CEBPB: variants seen among roughly 807,000 people sequenced by gnomAD.
CEBPB encodes the protein CCAAT enhancer binding protein beta, also known as CCAAT/enhancer-binding protein beta.
For synonymous variants in CEBPB, 295 were observed against 267.1 expected, an observed-to-expected ratio of 1.10 and a Z score of -1.02; for missense variants, 498 against 533.1, an observed-to-expected ratio of 0.93 and a Z score of 0.65.
At position 50,191,522 on chromosome 20, in the gene CEBPB, GC is replaced by G; in HGVS notation, c.494del (p.Pro165ArgfsTer229). On this transcript the variant is annotated frameshift_variant, in exon 1 of 1. Transcript: ENST00000303004. LOFTEE classifies it low-confidence loss of function (END_TRUNC). ...PGCFAPLHPPPPPPPPPAELK... is the reference protein window; with the variant it reads ...PGCFAPLHPPXPPPPPPAELK... ...GCTGCTTCGCGCCCCTGCACCCACC[GC>G]CCCCGCCGCCGCCGCCGCCCGCCGA... The G allele has an allele frequency of 1.5e-6, 2 of 1,311,382 alleles. No individual in the cohort carries two copies. Among genetic ancestry groups the G allele is most frequent in the South Asian group, 2.3e-5 (1 of 43,628 alleles). The allele number at this position is 1,311,382 out of a possible 1,614,324, so 81.2% of individuals were successfully genotyped here. A position where few individuals can be genotyped will look rare whatever the true frequency, so the allele number is the denominator to read the frequency against.
chr20:50,191,903 C>T lies in CEBPB; in HGVS notation c.870C>T (p.Asp290=). The T allele has an allele frequency of 6.2e-7, 1 of 1,612,914 alleles. No individual in the cohort carries two copies. The highest frequency in any genetic ancestry group is 8.5e-7 in the Non-Finnish European group (1 of 1,179,592). The change falls in exon 1 of 1, where the codon GAC becomes GAT. Residue 290 remains aspartate, a synonymous_variant. Transcript: ENST00000303004. The part of the protein sequence containing the change: ...RNNIAVRKSR[D]KAKMRNLETQ... ...ACATCGCCGTGCGCAAGAGCCGCGA[C>T]AAGGCCAAGATGCGCAACCTGGAGA...
At position 50,190,842 on chromosome 20, in the gene CEBPB, C is replaced by A; in HGVS notation, c.-192C>A. On this transcript the variant is annotated 5_prime_UTR_variant, in exon 1 of 1. Transcript: ENST00000303004. ...CAGGAGAAACTTTAGCGAGTCAGAG[C>A]CGCGCACGGGACTGGGAAGGGGACC... The A allele has an allele frequency of 5.6e-6, 3 of 534,044 alleles. No individual in the cohort carries two copies. Among genetic ancestry groups the A allele is most frequent in the Non-Finnish European group, 8.7e-6 (3 of 342,894 alleles). The allele number at this position is 534,044 out of a possible 1,614,324, so 33.1% of individuals were successfully genotyped here. A position where few individuals can be genotyped will look rare whatever the true frequency, so the allele number is the denominator to read the frequency against.
rs1412374759 is a variant in CEBPB at position 50,192,140 on chromosome 20, T to G, written c.*69T>G. The G allele has an allele frequency of 4.7e-5, 58 of 1,240,432 alleles. No homozygotes were observed. The highest frequency in any genetic ancestry group is 5.5e-5 in the Non-Finnish European group (54 of 984,114). 76.8% of individuals were successfully genotyped at this position (1,240,432 alleles called of 1,614,324 possible). A position where few individuals can be genotyped will look rare whatever the true frequency, so the allele number is the denominator to read the frequency against. ...CCGGGGAGCGCCCGCGCCCGCGCCC[T>G]CGCCCCCGCCCCCGGCGGCGCCGGC... is the stretch of plus-strand genomic sequence containing the variant. On this transcript the variant is annotated 3_prime_UTR_variant, in exon 1 of 1. Coordinates refer to ENST00000303004, the MANE Select transcript of CEBPB (RefSeq NM_005194.4).
chr20:50,192,362 C>A lies in CEBPB; in HGVS notation c.*291C>A, dbSNP rs1374754500. ...ACTCTCTGCTTCTCCCTCTGCCCCT[C>A]TCCAGGCGCCGGCGGGCGGGCCGGT... On this transcript the variant is annotated 3_prime_UTR_variant, in exon 1 of 1. Transcript: ENST00000303004. 5.8e-6 allele frequency: 1 copy of A among 171,690 alleles called. No individual in the cohort carries two copies. The highest frequency in any genetic ancestry group is 1.4e-5 in the Non-Finnish European group (1 of 71,956). 10.6% of individuals were successfully genotyped at this position (171,690 alleles called of 1,614,324 possible).
In CEBPB at chr20:50,191,600, G is replaced by T. The variant is rs1239605942; in HGVS notation, c.567G>T (p.Glu189Asp). The change falls in exon 1 of 1, where the codon GAG becomes GAT. Residue 189 changes from glutamate (E) to aspartate (D), a missense_variant. By Grantham distance (45) the Glu-to-Asp change is conservative (BLOSUM62 2). Coordinates refer to ENST00000303004, the MANE Select transcript of CEBPB (RefSeq NM_005194.4). ...FEPADCKRKE[E>D]AGAPGGGAGM... is the part of the protein sequence containing the mutation. ...CCGCGGACTGCAAGCGGAAGGAGGA[G>T]GCCGGGGCGCCGGGCGGCGGCGCAG... is the stretch of plus-strand genomic sequence containing the variant. The T allele has an allele frequency of 2.2e-6, 3 of 1,348,022 alleles. No individual in the cohort carries two copies. The highest frequency in any genetic ancestry group is 2.8e-6 in the Non-Finnish European group (3 of 1,058,498). 83.5% of individuals were successfully genotyped at this position (1,348,022 alleles called of 1,614,324 possible). A position where few individuals can be genotyped will look rare whatever the true frequency, so the allele number is the denominator to read the frequency against.
Position 50,191,112 on chromosome 20 carries a change from G to A in CEBPB, c.79G>A (p.Ala27Thr), listed in dbSNP as rs772304270. ...PPPAFKSMEV[A>T]NFYYEADCLA... is the part of the protein sequence containing the mutation. ...GCCTGCCTTTAAATCCATGGAAGTGGCCAACTTCTACTACGAGGCGGACTG... is the reference window on the plus strand; with the variant it reads ...GCCTGCCTTTAAATCCATGGAAGTGACCAACTTCTACTACGAGGCGGACTG... The change falls in exon 1 of 1, where the codon GCC becomes ACC. Residue 27 changes from alanine to threonine, a missense_variant. By Grantham distance (58) the Ala-to-Thr change is moderately conservative (BLOSUM62 0). Transcript: ENST00000303004. The A allele has an allele frequency of 1.4e-5, 22 of 1,549,284 alleles. No homozygotes were observed. The highest frequency in any genetic ancestry group is 1.9e-4 in the Middle Eastern group (1 of 5,282).
At position 50,192,139 on chromosome 20, in the gene CEBPB, C is replaced by G; in HGVS notation, c.*68C>G. 1 of 1,246,450 alleles carries G rather than the reference C, an allele frequency of 8.0e-7. No individual in the cohort carries two copies. 77.2% of individuals were successfully genotyped at this position (1,246,450 alleles called of 1,614,324 possible). On this transcript the variant is annotated 3_prime_UTR_variant, in exon 1 of 1. Coordinates refer to ENST00000303004, the MANE Select transcript of CEBPB (RefSeq NM_005194.4). ...TCCGGGGAGCGCCCGCGCCCGCGCC[C>G]TCGCCCCCGCCCCCGGCGGCGCCGG...
chr20:50,191,763 C>T lies in CEBPB; in HGVS notation c.730C>T (p.Pro244Ser). The change falls in exon 1 of 1, where the codon CCC becomes TCC. Residue 244 changes from proline (P) to serine (S), a missense_variant. Coordinates refer to ENST00000303004, the MANE Select transcript of CEBPB (RefSeq NM_005194.4). Reference protein sequence around the residue: ...GTPSPADAKAPPTACYAGAAP... With the variant: ...GTPSPADAKASPTACYAGAAP... The stretch of plus-strand genomic sequence containing the variant: ...GCCGAGCCCCGCTGACGCCAAGGCG[C>T]CCCCGACCGCCTGCTACGCGGGGGC... 6.5e-7 allele frequency: 1 copy of T among 1,539,774 alleles called. No homozygotes were observed. Among genetic ancestry groups the T allele is most frequent in the Non-Finnish European group, 8.7e-7 (1 of 1,144,180 alleles).
In CEBPB at chr20:50,191,109, G is replaced by T. The variant is rs1422775925; in HGVS notation, c.76G>T (p.Val26Leu). 4.5e-6 allele frequency: 7 copies of T among 1,550,868 alleles called. No individual in the cohort carries two copies. Among genetic ancestry groups the T allele is most frequent in the Non-Finnish European group, 6.1e-6 (7 of 1,153,938 alleles). ...GCCGCCTGCCTTTAAATCCATGGAA[G>T]TGGCCAACTTCTACTACGAGGCGGA... ...PPPPAFKSME[V>L]ANFYYEADCL... Residue 26 changes from valine (V) to leucine (L), a missense_variant, in exon 1 of 1, where the codon GTG becomes TTG. By Grantham distance (32) the Val-to-Leu change is conservative. Transcript: ENST00000303004.
At position 50,191,350 on chromosome 20, in the gene CEBPB, C is replaced by A. The variant is rs747170675; in HGVS notation, c.317C>A (p.Pro106His). 41 of 1,454,956 alleles carry A rather than the reference C, an allele frequency of 2.8e-5. No homozygotes were observed. The Middle Eastern group carries it at 1.4e-3, about 51-fold the overall frequency. 90.1% of individuals were successfully genotyped at this position (1,454,956 alleles called of 1,614,324 possible). A position where few individuals can be genotyped will look rare whatever the true frequency, so the allele number is the denominator to read the frequency against. The change falls in exon 1 of 1, where the codon CCC (proline) becomes CAC (histidine). Residue 106 changes from proline (P) to histidine (H), a missense_variant. Pro to His is a moderately conservative substitution (Grantham distance 77). Transcript: ENST00000303004. The part of the protein sequence containing the change: ...TFEAAPPAPA[P>H]APASSGQHHD... ...GAGGCGGCTCCGCCCGCGCCCGCCC[C>A]CGCGCCCGCCTCCTCCGGGCAGCAC...
Position 50,191,314 on chromosome 20 carries a change from C to G in CEBPB, c.281C>G (p.Thr94Arg). 12 of 1,420,076 alleles carry G rather than the reference C, an allele frequency of 8.5e-6. No individual in the cohort carries two copies. Among genetic ancestry groups the G allele is most frequent in the Non-Finnish European group, 1.1e-5 (12 of 1,079,538 alleles). 88.0% of individuals were successfully genotyped at this position (1,420,076 alleles called of 1,614,324 possible). Reference protein sequence around the residue: ...APQAPAPATATDTFEAAPPAP... With the variant: ...APQAPAPATARDTFEAAPPAP... ...CAGGCCCCGGCGCCCGCCACGGCCA[C>G]GGACACCTTCGAGGCGGCTCCGCCC... The change falls in exon 1 of 1, where the codon ACG (threonine) becomes AGG (arginine). Residue 94 changes from threonine (T) to arginine (R), a missense_variant. Physicochemically the swap from Thr to Arg is moderately conservative, Grantham distance 71. Transcript: ENST00000303004.
rs566289137 is a variant in CEBPB at position 50,191,195 on chromosome 20, C to A, written c.162C>A (p.Pro54=). 35 of 1,324,784 alleles carry A rather than the reference C, an allele frequency of 2.6e-5. No homozygotes were observed. The East Asian group carries it at 6.9e-4, about 26-fold the overall frequency. The allele number at this position is 1,324,784 out of a possible 1,614,324, so 82.1% of individuals were successfully genotyped here. Residue 54 remains proline (P), a synonymous_variant, in exon 1 of 1, where the codon CCC becomes CCA. Coordinates refer to ENST00000303004, the MANE Select transcript of CEBPB (RefSeq NM_005194.4). The part of the protein sequence containing the change: ...AAPAAPPAAR[P]GPRPPAGELG... ...CCGCGGCGCCCCCCGCGGCCAGACC[C>A]GGGCCGCGCCCCCCCGCCGGCGAGC...
upstream of CEBPB, chr20:50,190,819 G>C: frequency 2.3e-6 from 1 of 432,272 alleles, no homozygotes; most frequent in Non-Finnish European, 3.9e-6. Flanking sequence ...ACCGGGCTCA[G>C]GAGAAACTTT....
chr20:50,191,010 C>G lies in CEBPB; in HGVS notation c.-24C>G, dbSNP rs1601257035. 1.3e-6 allele frequency: 2 copies of G among 1,492,312 alleles called. No individual in the cohort carries two copies. Among genetic ancestry groups the G allele is most frequent in the African/African-American group, 2.9e-5 (2 of 69,140 alleles). The allele number at this position is 1,492,312 out of a possible 1,614,324, so 92.4% of individuals were successfully genotyped here. A position where few individuals can be genotyped will look rare whatever the true frequency, so the allele number is the denominator to read the frequency against. ...GCCGGCCGGAGCGGGCAGCCCCAGG[C>G]CCCCTCCCCGGGCACCCGCGTTCAT... On this transcript the variant is annotated 5_prime_UTR_variant, in exon 1 of 1. Coordinates refer to ENST00000303004, the MANE Select transcript of CEBPB (RefSeq NM_005194.4).
At position 50,190,873 on chromosome 20, in the gene CEBPB, G is replaced by A. The variant is rs2081570236; in HGVS notation, c.-161G>A. 2 of 873,016 alleles carry A rather than the reference G, an allele frequency of 2.3e-6. No individual in the cohort carries two copies. The highest frequency in any genetic ancestry group is 1.6e-6 in the Non-Finnish European group (1 of 638,316). The allele number at this position is 873,016 out of a possible 1,614,324, so 54.1% of individuals were successfully genotyped here. ...ACGGGACTGGGAAGGGGACCCACCCGAGGGTCCAGCCACCAGCCCCCTCAC... is the reference window on the plus strand; with the variant it reads ...ACGGGACTGGGAAGGGGACCCACCCAAGGGTCCAGCCACCAGCCCCCTCAC... On this transcript the variant is annotated 5_prime_UTR_variant, in exon 1 of 1. Coordinates refer to ENST00000303004, the MANE Select transcript of CEBPB (RefSeq NM_005194.4).
chr20:50,191,441 G>C lies in CEBPB; in HGVS notation c.408G>C (p.Glu136Asp). 1 of 1,520,262 alleles carries C rather than the reference G, an allele frequency of 6.6e-7. No individual in the cohort carries two copies. The highest frequency in any genetic ancestry group is 8.8e-7 in the Non-Finnish European group (1 of 1,132,038). 94.2% of individuals were successfully genotyped at this position (1,520,262 alleles called of 1,614,324 possible). A position where few individuals can be genotyped will look rare whatever the true frequency, so the allele number is the denominator to read the frequency against. The change falls in exon 1 of 1, where the codon GAG becomes GAC. Residue 136 changes from glutamate (E) to aspartate (D), a missense_variant. Transcript: ENST00000303004. ...GCAAGAACTGCAAGAAGCCGGCCGA[G>C]TACGGCTACGTGAGCCTGGGGCGCC... is the stretch of plus-strand genomic sequence containing the variant. ...YGGKNCKKPA[E>D]YGYVSLGRLG...
rs767276248 is a variant in CEBPB, at chr20:50,191,161, A to G, written c.128A>G (p.Lys43Arg). 6.7e-7 allele frequency: 1 copy of G among 1,487,518 alleles called. No homozygotes were observed. The highest frequency in any genetic ancestry group is 1.3e-5 in the South Asian group (1 of 79,764). The allele number at this position is 1,487,518 out of a possible 1,614,324, so 92.1% of individuals were successfully genotyped here. A position where few individuals can be genotyped will look rare whatever the true frequency, so the allele number is the denominator to read the frequency against. The change falls in exon 1 of 1, where the codon AAG becomes AGG. Residue 43 changes from lysine (K) to arginine (R), a missense_variant. Transcript: ENST00000303004. ...TGCTTGGCTGCTGCGTACGGCGGCA[A>G]GGCGGCCCCCGCGGCGCCCCCCGCG... ...ADCLAAAYGG[K>R]AAPAAPPAAR...
chr20:50,191,213 C>G lies in CEBPB; in HGVS notation c.180C>G (p.Ala60=). Reference sequence around the variant, plus strand: ...CCAGACCCGGGCCGCGCCCCCCCGCCGGCGAGCTGGGCAGCATCGGCGACC... The same window carrying G: ...CCAGACCCGGGCCGCGCCCCCCCGCGGGCGAGCTGGGCAGCATCGGCGACC... ...PAARPGPRPP[A]GELGSIGDHE... Residue 60 remains alanine, a synonymous_variant, in exon 1 of 1, where the codon GCC becomes GCG. Transcript: ENST00000303004. The G allele has an allele frequency of 7.7e-7, 1 of 1,299,302 alleles. No individual in the cohort carries two copies. 80.5% of individuals were successfully genotyped at this position (1,299,302 alleles called of 1,614,324 possible). A position where few individuals can be genotyped will look rare whatever the true frequency, so the allele number is the denominator to read the frequency against.
Position 50,192,060 on chromosome 20 carries a change from G to A in CEBPB, c.1027G>A (p.Gly343Ser). ...GCCCGAGCCCCTGCTCGCCTCCTCC[G>A]GCCACTGCTAGCGCGGCCCCCGCGC... Reference protein sequence around the residue: ...QLPEPLLASSGHC With the variant: ...QLPEPLLASSSHC Residue 343 changes from glycine (G) to serine (S), a missense_variant, in exon 1 of 1, where the codon GGC becomes AGC. Physicochemically the swap from Gly to Ser is moderately conservative, Grantham distance 56. Transcript: ENST00000303004. 3 of 1,575,852 alleles carry A rather than the reference G, an allele frequency of 1.9e-6. No homozygotes were observed. Among genetic ancestry groups the A allele is most frequent in the Non-Finnish European group, 2.6e-6 (3 of 1,163,954 alleles).
Sources: gnomAD v4.1 joint callset for allele counts on GRCh38, gnomAD v4.1.1 for gene constraint, MANE v1.5 for transcripts, NCBI Gene and HGNC (gene_info 2026-07-23, HGNC 2026-07-21) for gene names.